The following MLC1 variants were observed in gnomAD, a reference collection of about 807,000 sequenced individuals.
MLC1 encodes modulator of VRAC current 1.
Under a neutral mutation model 44.7 loss-of-function variants are expected in MLC1, and 32 were observed. The observed-to-expected ratio is 0.72, with a 90% CI of 0.54 to 0.96. MLC1 has a LOEUF of 0.96. MLC1 is among the 40% of genes least tolerant of loss of function. The pLI is 0.00. For missense variants in MLC1, 459 were observed against 492.2 expected (o/e 0.93, Z 0.64); for synonymous variants, 190 against 213.0 (o/e 0.89, Z 0.94).
At chr22:50,082,992 G>A in intron 3 of MLC1, 92 bp downstream of exon 3, 1 of 1,287,280 alleles carries the variant, frequency 7.8e-7, no homozygotes, top group Non-Finnish European at 1.1e-6. Context: ...ATGAGGTACA[G>A]GTGACAGAAA....
intron 9 of MLC1, among the ~76,000 whole-genome samples, chr22:50,069,167 C>T (rs1336355070): frequency 1.3e-5 from 2 of 152,034 alleles, no homozygotes; most frequent in African/African-American, 4.8e-5. Context: ...GCTGGGATTA[C>T]AGACATGCGC....
intron 11 of MLC1, 107 bp downstream of exon 11, chr22:50,063,903 CGGCTGGGCACCCCTGTGGGCCACT>C: frequency 3.0e-6 from 3 of 1,001,248 alleles, no homozygotes; most frequent in South Asian, 1.7e-5. Context: ...CTCACCTCCC[CGGCTGGGCACCCCTGTGGGCCACT>C]CACCTCCCCA....
At position 50,061,122 on chromosome 22, in the gene MLC1, C is replaced by G. The variant is rs769075736; in HGVS notation, c.*461G>C. 1.1e-4 allele frequency: 24 copies of G among 227,514 alleles called. No homozygotes were observed. Among genetic ancestry groups the G allele is most frequent in the Non-Finnish European group, 1.5e-4 (17 of 112,118 alleles). The allele number at this position is 227,514 out of a possible 1,614,324, so 14.1% of individuals were successfully genotyped here. A position where few individuals can be genotyped will look rare whatever the true frequency, so the allele number is the denominator to read the frequency against. On this transcript the variant is annotated 3_prime_UTR_variant, in exon 12 of 12. Transcript: ENST00000311597. ...GGGAAGTGGGTAAGATCCCACTGGGCTGACTGAGTACCCGGGACAGACCCT... is the reference window on the plus strand; with the variant it reads ...GGGAAGTGGGTAAGATCCCACTGGGGTGACTGAGTACCCGGGACAGACCCT...
chr22:50,062,349 C>T (rs1038399480), intron 11 of MLC1, among the ~76,000 whole-genome samples: 6 of 152,206 alleles, frequency 3.9e-5, no homozygotes, highest in South Asian at 2.1e-4. Flanking sequence ...CCCCTGGGAC[C>T]AGCAGTTCTG....
At chr22:50,074,832 C>T in intron 7 of MLC1, 2 of 209,518 alleles carry the variant, frequency 9.5e-6, no homozygotes, top group South Asian at 1.6e-4. Context: ...AATGATCCAA[C>T]CACCTGGACG....
At chr22:50,069,347 T>G (rs771165395) in intron 9 of MLC1, among the ~76,000 whole-genome samples, 1 of 151,820 alleles carries the variant, frequency 6.6e-6, no homozygotes, top group East Asian at 1.9e-4. Context: ...GTGCCACAAG[T>G]TTTGAAATAC....
In MLC1 at chr22:50,063,895, C is replaced by T; in HGVS notation, c.1059+139G>A. ...GCACCCCCTCCCCCTGCAGGCCACT[C>T]ACCTCCCCGGCTGGGCACCCCTGTG... On this transcript the variant is annotated intron_variant, in intron 11 of 11. Coordinates refer to ENST00000311597, the MANE Select transcript of MLC1 (RefSeq NM_015166.4). 2.1e-6 allele frequency: 2 copies of T among 972,166 alleles called. 1 individual carries two copies. Among genetic ancestry groups the T allele is most frequent in the South Asian group, 3.5e-5 (2 of 57,316 alleles). 60.2% of individuals were successfully genotyped at this position (972,166 alleles called of 1,614,324 possible).
At chr22:50,080,059 A>T in intron 4 of MLC1, 40 bp from the exon 5 acceptor site, 1 of 1,477,542 alleles carries the variant, frequency 6.8e-7, no homozygotes, top group Non-Finnish European at 9.5e-7. Flanking sequence ...TCTTTGAATA[A>T]TAAAAGAAAA....
At position 50,060,314 on chromosome 22, in the gene MLC1, C is replaced by G. The variant is rs1023755410; in HGVS notation, c.*1269G>C. On this transcript the variant is annotated 3_prime_UTR_variant, in exon 12 of 12. Transcript: ENST00000311597. ...CCCAGGCGCCCTCGGGACGAGGAGA[C>G]GCAGGGAAACCCACTCCTGGCCATG... 3 of 152,390 alleles carry G rather than the reference C, an allele frequency of 2.0e-5. No individual in the cohort carries two copies. Among genetic ancestry groups the G allele is most frequent in the Non-Finnish European group, 4.4e-5 (3 of 68,064 alleles). The allele number at this position is 152,390 out of a possible 1,614,324, so 9.4% of individuals were successfully genotyped here.
At chr22:50,071,171 CG>C (rs1569245586) in intron 8 of MLC1, among the ~76,000 whole-genome samples, 2 of 151,152 alleles carry the variant, frequency 1.3e-5, no homozygotes, top group South Asian at 4.2e-4. Flanking sequence ...TACGGTGGCG[CG>C]ATCTTGACTC....
intron 11 of MLC1, 56 bp downstream of exon 11, chr22:50,063,978 G>T (rs1303596098): frequency 4.7e-6 from 7 of 1,477,728 alleles, no homozygotes; most frequent in Non-Finnish European, 6.3e-6. Context: ...CCCTGGCTGG[G>T]CACCCCCGTG....
intron 7 of MLC1, chr22:50,074,659 T>A: frequency 2.7e-6 from 1 of 372,952 alleles, no homozygotes; most frequent in South Asian, 2.2e-5. Context: ...CTTCCCTGTC[T>A]CACAGTGTGG....
At chr22:50,084,269 T>TGGGG (rs2062224741) in intron 2 of MLC1, among the ~76,000 whole-genome samples, 1 of 152,112 alleles carries the variant, frequency 6.6e-6, no homozygotes, top group African/African-American at 2.4e-5. Context: ...ACCCCAGACC[T>TGGGG]GTTCCTTTGT....
intron 5 of MLC1, among the ~76,000 whole-genome samples, chr22:50,077,830 A>G (rs2146888237): frequency 6.6e-6 from 1 of 152,170 alleles, no homozygotes; most frequent in South Asian, 2.1e-4. Flanking sequence ...GAATGTTTAG[A>G]GTAGCTTCAT....
intron 9 of MLC1, among the ~76,000 whole-genome samples, chr22:50,068,912 A>C (rs1300413220): frequency 6.6e-6 from 1 of 151,316 alleles, no homozygotes; most frequent in Non-Finnish European, 1.5e-5. Flanking sequence ...TTTTTAGTAG[A>C]GACCGTGTTT....
At chr22:50,078,154 G>A (rs1053780389) in intron 5 of MLC1, among the ~76,000 whole-genome samples, 15 of 151,818 alleles carry the variant, frequency 9.9e-5, no homozygotes, top group Non-Finnish European at 1.6e-4. Context: ...CAGCACGCCC[G>A]GCTAATTTTG....
intron 8 of MLC1, among the ~76,000 whole-genome samples, chr22:50,073,355 C>A (rs947207805): frequency 1.3e-5 from 2 of 152,234 alleles, no homozygotes; most frequent in Non-Finnish European, 2.9e-5. Context: ...TGCTGAGAAC[C>A]TCGTGGGGTC....
chr22:50,072,315 A>G (rs2061872139), intron 8 of MLC1, among the ~76,000 whole-genome samples: 1 of 152,114 alleles, frequency 6.6e-6, no homozygotes, highest in South Asian at 2.1e-4. Context: ...CCAGCCCCCA[A>G]CTCCAGCCCC....
rs990695031 is a variant in MLC1 at position 50,083,312 on chromosome 22, A to G, written c.178-139T>C. On this transcript the variant is annotated intron_variant, in intron 2 of 11. Transcript: ENST00000311597. The surrounding 1 kb of genome is among the most constrained non-coding windows in gnomAD (Gnocchi z 4.6). Reference sequence around the variant, plus strand: ...AGCATCAACCACACCCGCACCTGGGACCCGCCCATCCTGGACTCCTCCTGT... The same window carrying G: ...AGCATCAACCACACCCGCACCTGGGGCCCGCCCATCCTGGACTCCTCCTGT... 3 of 773,742 alleles carry G rather than the reference A, an allele frequency of 3.9e-6. No individual in the cohort carries two copies. In the African/African-American group the frequency reaches 5.1e-5, roughly 13 times the overall value. The allele number at this position is 773,742 out of a possible 1,614,324, so 47.9% of individuals were successfully genotyped here. A position where few individuals can be genotyped will look rare whatever the true frequency, so the allele number is the denominator to read the frequency against.
Sources: gnomAD v4.1 joint callset for allele counts (sites outside exome capture counted in the v4.1 genomes callset) on GRCh38, gnomAD v4.1.1 for gene constraint, Gnocchi (gnomAD v3.1) non-coding constraint, MANE v1.5 for transcripts, NCBI Gene and HGNC (gene_info 2026-07-23, HGNC 2026-07-21) for gene names.